Variants in PYROXD1 observed in about 807,000 individuals in gnomAD.
PYROXD1 encodes pyridine nucleotide-disulphide oxidoreductase domain 1, also known as tRNA ligase complex-associated NAD(P)H dehydrogenase PYROXD1.
Under a neutral mutation model 62.0 loss-of-function variants are expected in PYROXD1, and 42 were observed. That is an observed-to-expected ratio of 0.68 (90% CI 0.53 to 0.88). The LOEUF is 0.88. Among genes scored for constraint, PYROXD1 ranks in the 40% least tolerant of loss-of-function variants. The pLI is 0.00. For missense variants in PYROXD1, 493 were observed against 604.8 expected (o/e 0.82, Z 1.94); for synonymous variants, 170 against 206.4 (o/e 0.82, Z 1.51).
chr12:21,467,456 G>A, intron 10 of PYROXD1, 25 bp from the exon 11 acceptor site: 1 of 1,579,052 alleles, frequency 6.3e-7, no homozygotes, highest in Admixed American at 1.9e-5. Context: ...AAATGACATT[G>A]TGTAACATTT....
At chr12:21,467,974 T>TTATCTTATTCAGTCCTCTTC (rs552260493) in intron 11 of PYROXD1, among the ~76,000 whole-genome samples, 2,025 of 151,840 alleles carry the variant, frequency 0.013, 37 homozygotes, top group African/African-American at 0.046. Flanking sequence ...CCTGTATCTA[T>TTATCTTATTCAGTCCTCTTC]TATCTTATTC....
chr12:21,470,723 T>G lies in PYROXD1; in HGVS notation c.*1969T>G, dbSNP rs1378421155. On this transcript the variant is annotated 3_prime_UTR_variant, in exon 12 of 12. Transcript: ENST00000240651. ...GCAGAGTGCATAACAAAATTAGATA[T>G]TCAAACGGAGTCCTCCCATTCCAAG... is the stretch of plus-strand genomic sequence containing the variant. The G allele has an allele frequency of 3.0e-6, 1 of 333,006 alleles. No individual in the cohort carries two copies. Among genetic ancestry groups the G allele is most frequent in the East Asian group, 5.3e-5 (1 of 18,816 alleles). 20.6% of individuals were successfully genotyped at this position (333,006 alleles called of 1,614,324 possible).
At chr12:21,467,388 C>A in intron 10 of PYROXD1, 93 bp from the exon 11 acceptor site, 1 of 1,167,874 alleles carries the variant, frequency 8.6e-7, no homozygotes, top group Non-Finnish European at 1.2e-6. Context: ...GACTGTCAAA[C>A]ATTGAACTCC....
chr12:21,456,748 C>T (rs1255099001), intron 7 of PYROXD1: 4 of 355,042 alleles, frequency 1.1e-5, no homozygotes, highest in South Asian at 2.2e-5. Flanking sequence ...CTGTAGCGTG[C>T]GAAGCTGTTT....
intron 3 of PYROXD1, among the ~76,000 whole-genome samples, chr12:21,448,897 A>G (rs1942440896): frequency 6.6e-6 from 1 of 152,182 alleles, no homozygotes; most frequent in African/African-American, 2.4e-5. Context: ...AATACATGCT[A>G]GGATTAAAGA....
At chr12:21,466,695 C>T (rs1450313174) in intron 10 of PYROXD1, among the ~76,000 whole-genome samples, 2 of 152,126 alleles carry the variant, frequency 1.3e-5, no homozygotes. Context: ...ACTTCCAACA[C>T]TATGTTGAAT....
intron 10 of PYROXD1, among the ~76,000 whole-genome samples, chr12:21,464,743 A>G (rs115015375): frequency 0.19 from 27,807 of 148,594 alleles, 2,797 homozygotes; most frequent in Middle Eastern, 0.3. Context: ...TTTTATTATT[A>G]TATTTAAGTT....
intron 5 of PYROXD1, chr12:21,454,903 T>C: frequency 3.3e-6 from 1 of 305,586 alleles, no homozygotes; most frequent in Non-Finnish European, 6.0e-6. Context: ...TACATGTATT[T>C]GTCACTTAAA....
chr12:21,458,291 A>G (rs549105365), intron 7 of PYROXD1, among the ~76,000 whole-genome samples: 1 of 152,316 alleles, frequency 6.6e-6, no homozygotes, highest in Admixed American at 6.5e-5. Flanking sequence ...CACTTCTCTC[A>G]GCCTTTACAG....
chr12:21,460,992 G>A (rs1565553238), intron 7 of PYROXD1, 33 bp from the exon 8 acceptor site: 2 of 1,366,116 alleles, frequency 1.5e-6, no homozygotes, highest in African/African-American at 1.5e-5. Flanking sequence ...CTTTCTGTAA[G>A]TATTATGCTA....
rs568340360 is a variant in PYROXD1 at position 21,469,533 on chromosome 12, G to A, written c.*779G>A. 3.3e-5 allele frequency: 5 copies of A among 150,504 alleles called. No homozygotes were observed. Among genetic ancestry groups the A allele is most frequent in the African/African-American group, 9.8e-5 (4 of 40,972 alleles). 9.3% of individuals were successfully genotyped at this position (150,504 alleles called of 1,614,324 possible). On this transcript the variant is annotated 3_prime_UTR_variant, in exon 12 of 12. Coordinates refer to ENST00000240651, the MANE Select transcript of PYROXD1 (RefSeq NM_024854.5). ...AGTATCACTCAGTGAACCTCTGTCA[G>A]TATAATATTGCTTTCAAAAAGATGG...
intron 4 of PYROXD1, among the ~76,000 whole-genome samples, chr12:21,450,906 G>A (rs994442945): frequency 6.6e-6 from 1 of 152,138 alleles, no homozygotes; most frequent in Non-Finnish European, 1.5e-5. Context: ...GGAAACTGAG[G>A]TCAAGAGATT....
At chr12:21,448,561 G>T (rs1394686684) in intron 3 of PYROXD1, among the ~76,000 whole-genome samples, 1 of 152,142 alleles carries the variant, frequency 6.6e-6, no homozygotes, top group Admixed American at 6.5e-5. Context: ...TTTCTACATG[G>T]ATTATGCTAT....
rs772529373 is a variant in PYROXD1 at position 21,449,710 on chromosome 12, A to G, written c.414+19A>G. 4 of 1,581,712 alleles carry G rather than the reference A, an allele frequency of 2.5e-6. No homozygotes were observed. The Admixed American group carries it at 5.8e-5, about 23-fold the overall frequency. On this transcript the variant is annotated intron_variant, in intron 4 of 11. Transcript: ENST00000240651. ...TGCTCAGGTAACATTTTAAGGTTGG[A>G]TCGTGAGAAGGAAAATAAAAGAATT...
intron 7 of PYROXD1, among the ~76,000 whole-genome samples, chr12:21,456,475 A>G (rs890011447): frequency 1.3e-5 from 2 of 152,228 alleles, no homozygotes; most frequent in African/African-American, 4.8e-5. Context: ...AACATACTGC[A>G]GTCTATTAAA....
chr12:21,442,728 C>T (rs1942318754), intron 2 of PYROXD1, among the ~76,000 whole-genome samples: 1 of 152,184 alleles, frequency 6.6e-6, no homozygotes, highest in African/African-American at 2.4e-5. Context: ...CTCTAGGGTT[C>T]CCTGGCAGGA....
intron 3 of PYROXD1, among the ~76,000 whole-genome samples, chr12:21,446,331 A>C (rs1388604519): frequency 6.6e-6 from 1 of 151,872 alleles, no homozygotes; most frequent in Non-Finnish European, 1.5e-5. Flanking sequence ...GACTTGAGGC[A>C]GGAGAATGGC....
chr12:21,450,439 A>T (rs1942474507), intron 4 of PYROXD1, among the ~76,000 whole-genome samples: 1 of 152,198 alleles, frequency 6.6e-6, no homozygotes, highest in Non-Finnish European at 1.5e-5. Context: ...AAATCATGAT[A>T]GAATCATAGA....
intron 7 of PYROXD1, among the ~76,000 whole-genome samples, chr12:21,458,522 G>A (rs1336387979): frequency 6.6e-6 from 1 of 152,184 alleles, no homozygotes; most frequent in Non-Finnish European, 1.5e-5. Context: ...AGGGCAAGAG[G>A]CCTGGCTTTC....
Sources: allele counts gnomAD v4.1 joint callset (sites outside exome capture counted in the v4.1 genomes callset), GRCh38; gene constraint gnomAD v4.1.1; transcripts MANE v1.5; gene names NCBI Gene and HGNC (gene_info 2026-07-23, HGNC 2026-07-21).